The following TRHDE variants were observed in gnomAD, a reference collection of about 807,000 sequenced individuals.
TRHDE encodes the protein thyrotropin releasing hormone degrading enzyme, also known as thyrotropin-releasing hormone-degrading ectoenzyme.
In TRHDE, 72 loss-of-function variants were observed where a neutral mutation model predicts 125.7. The ratio of observed to expected loss-of-function variants is 0.57; its 90% confidence interval spans 0.47 to 0.70. TRHDE has a LOEUF of 0.70. TRHDE is among the 30% of genes least tolerant of loss of function. The pLI, the probability that TRHDE is intolerant of heterozygous loss-of-function variation, is 0.00. For missense variants in TRHDE, 1,110 were observed against 1,327.1 expected (o/e 0.84, Z 2.54); for synonymous variants, 509 against 509.1 (o/e 1.00, Z 0.00).
intron 3 of TRHDE, among the ~76,000 whole-genome samples, chr12:72,385,346 G>A (rs1485123096): frequency 6.6e-6 from 1 of 152,010 alleles, no homozygotes; most frequent in Non-Finnish European, 1.5e-5. Context: ...TGGAGACTTA[G>A]CTAAGGTGGT....
Position 72,664,126 on chromosome 12 carries a change from GTA to G in TRHDE, c.*934_*935del, listed in dbSNP as rs1212071652. On this transcript the variant is annotated 3_prime_UTR_variant, in exon 19 of 19. Coordinates refer to ENST00000261180, the MANE Select transcript of TRHDE (RefSeq NM_013381.3). ...GAAGATGAATACAAACAAAATTTTT[GTA>G]TAAACTACTATTCCAGTTCTCCTGT... is the stretch of plus-strand genomic sequence containing the variant. 1.3e-5 allele frequency: 2 copies of G among 152,092 alleles called. No homozygotes were observed. Among genetic ancestry groups the G allele is most frequent in the Admixed American group, 6.6e-5 (1 of 15,226 alleles). 9.4% of individuals were successfully genotyped at this position (152,092 alleles called of 1,614,324 possible). A position where few individuals can be genotyped will look rare whatever the true frequency, so the allele number is the denominator to read the frequency against.
intron 3 of TRHDE, among the ~76,000 whole-genome samples, chr12:72,441,595 G>C (rs1255885966): frequency 6.6e-6 from 1 of 151,810 alleles, no homozygotes; most frequent in Non-Finnish European, 1.5e-5. Flanking sequence ...TTTTTAAGTG[G>C]TTTACTGTTA....
At chr12:72,162,112 T>A (rs1211108662) in intron 2 of TRHDE, among the ~76,000 whole-genome samples, 1 of 152,196 alleles carries the variant, frequency 6.6e-6, no homozygotes, top group Non-Finnish European at 1.5e-5. Flanking sequence ...GGCCTATCAC[T>A]GTGATTTTTG....
At chr12:72,371,132 C>T (rs1221329766) in intron 2 of TRHDE, among the ~76,000 whole-genome samples, 1 of 152,034 alleles carries the variant, frequency 6.6e-6, no homozygotes, top group Non-Finnish European at 1.5e-5. Context: ...TGTCATAGTA[C>T]ATATTGTTAC....
chr12:72,533,905 C>T (rs1029492432), intron 6 of TRHDE, among the ~76,000 whole-genome samples: 6 of 151,790 alleles, frequency 4.0e-5, no homozygotes, highest in Admixed American at 2.0e-4. Context: ...ACTTTTTGGT[C>T]TCATATTATC....
intron 15 of TRHDE, among the ~76,000 whole-genome samples, chr12:72,640,208 G>T (rs1873988612): frequency 6.6e-6 from 1 of 152,254 alleles, no homozygotes; most frequent in Non-Finnish European, 1.5e-5. Context: ...ATCTCCTGGT[G>T]TGCTGTTTTT....
Position 72,287,053 on chromosome 12 carries a change from C to T in TRHDE, c.1188+99C>T. The T allele has an allele frequency of 2.4e-6, 3 of 1,233,918 alleles. No homozygotes were observed. The South Asian group carries it at 4.5e-5, about 19-fold the overall frequency. The allele number at this position is 1,233,918 out of a possible 1,614,324, so 76.4% of individuals were successfully genotyped here. Reference sequence around the variant, plus strand: ...GTGAGTCATTTCTAACCTTTTTACACCTTATATAGTGGAATTCTTTCTTTA... The same window carrying T: ...GTGAGTCATTTCTAACCTTTTTACATCTTATATAGTGGAATTCTTTCTTTA... On this transcript the variant is annotated intron_variant, in intron 2 of 18. Transcript: ENST00000261180.
At chr12:72,655,321 C>T (rs1874664925) in intron 17 of TRHDE, among the ~76,000 whole-genome samples, 1 of 152,178 alleles carries the variant, frequency 6.6e-6, no homozygotes, top group Non-Finnish European at 1.5e-5. Flanking sequence ...AATCCACCTG[C>T]CTTAGCTTCC....
At chr12:72,356,822 C>T (rs1353830174) in intron 2 of TRHDE, among the ~76,000 whole-genome samples, 1 of 151,458 alleles carries the variant, frequency 6.6e-6, no homozygotes, top group Non-Finnish European at 1.5e-5. Context: ...CATTTGGAAA[C>T]ATCATGGTGA....
At chr12:72,369,522 A>G (rs1871480630) in intron 2 of TRHDE, among the ~76,000 whole-genome samples, 1 of 152,188 alleles carries the variant, frequency 6.6e-6, no homozygotes, top group African/African-American at 2.4e-5. Context: ...TCTCTTCAAA[A>G]TAAATGTAGA....
rs75543799 is a variant in TRHDE at position 72,212,790 on chromosome 12, T to G, written n.279+107038T>G. 9.1e-4 allele frequency among the ~76,000 whole-genome samples: 138 copies of G among 152,282 alleles called. No individual in the cohort carries two copies. The East Asian group carries it at 0.017, about 18-fold the overall frequency. On this transcript the variant is annotated intron_variant and non_coding_transcript_variant, in intron 2 of 4. Coordinates refer to the TRHDE transcript ENST00000548156. ...ACAGTTTGGCAGTTCCTTAAAATGC[T>G]AAACATAGAGTTATCATAGAATCCA...
At chr12:72,564,818 C>T (rs568358714) in intron 9 of TRHDE, among the ~76,000 whole-genome samples, 35 of 151,712 alleles carry the variant, frequency 2.3e-4, no homozygotes, top group African/African-American at 7.7e-4. Flanking sequence ...AAGGGCCCGC[C>T]GCCACACCCG....
intron 2 of TRHDE, among the ~76,000 whole-genome samples, chr12:72,184,057 G>C (rs1877151558): frequency 6.6e-6 from 1 of 152,164 alleles, no homozygotes; most frequent in African/African-American, 2.4e-5. Context: ...AAAATAGCTA[G>C]AAGCAGTACA....
intron 1 of TRHDE, among the ~76,000 whole-genome samples, chr12:72,098,994 G>T (rs1341167401): frequency 6.6e-6 from 1 of 152,058 alleles, no homozygotes; most frequent in Non-Finnish European, 1.5e-5. Flanking sequence ...GTGAAACTCT[G>T]TCTCTATTAA....
At chr12:72,095,760 T>A (rs1343858705) in intron 1 of TRHDE, among the ~76,000 whole-genome samples, 1 of 152,164 alleles carries the variant, frequency 6.6e-6, no homozygotes. Flanking sequence ...CTATACTCAG[T>A]GTGATGGTTA....
At chr12:72,283,754 C>T (rs188184962) in intron 1 of TRHDE, among the ~76,000 whole-genome samples, 4 of 152,148 alleles carry the variant, frequency 2.6e-5, no homozygotes, top group Admixed American at 2.6e-4. Flanking sequence ...AATTCTTACC[C>T]ACTAATTACT....
intron 3 of TRHDE, among the ~76,000 whole-genome samples, chr12:72,382,339 G>A (rs557561630): frequency 5.9e-5 from 9 of 152,016 alleles, no homozygotes; most frequent in East Asian, 1.9e-4. Flanking sequence ...GGGTTGGGGA[G>A]GGGGGGACAG....
chr12:72,320,177 T>C (rs1057397359), intron 2 of TRHDE, among the ~76,000 whole-genome samples: 1 of 152,116 alleles, frequency 6.6e-6, no homozygotes, highest in East Asian at 1.9e-4. Flanking sequence ...CATACACACA[T>C]AGAGGCATGT....
intron 12 of TRHDE, among the ~76,000 whole-genome samples, chr12:72,617,512 C>T (rs11179284): frequency 6.6e-6 from 1 of 152,270 alleles, no homozygotes; most frequent in African/African-American, 2.4e-5. Flanking sequence ...ATACAAAGGT[C>T]CATCTAATTT....
Sources: allele counts gnomAD v4.1 joint callset (sites outside exome capture counted in the v4.1 genomes callset), GRCh38; gene constraint gnomAD v4.1.1; transcripts MANE v1.5; gene names NCBI Gene and HGNC (gene_info 2026-07-23, HGNC 2026-07-21).